ATG5: variants seen among roughly 807,000 people sequenced by gnomAD.
ATG5 encodes autophagy protein 5.
In ATG5, 14 loss-of-function variants were observed where a neutral mutation model predicts 36.5. The observed-to-expected ratio is 0.38, with a 90% CI of 0.25 to 0.60. ATG5 has a LOEUF of 0.60. Ranked by LOEUF, ATG5 falls within the 20% of genes least tolerant of loss-of-function variation. The probability of loss-of-function intolerance (pLI) is 0.60; values close to 1 mark genes in which losing one functional copy is unlikely to be tolerated. For missense variants in ATG5, 195 were observed against 326.7 expected (o/e 0.60, Z 3.11); for synonymous variants, 95 against 101.5 (o/e 0.94, Z 0.38).
intron 7 of ATG5, among the ~76,000 whole-genome samples, chr6:106,201,275 A>ATGTGTG (rs138478446): frequency 0.032 from 4,718 of 149,278 alleles, 139 homozygotes; most frequent in African/African-American, 0.079. Flanking sequence ...TCAAGTGTAT[A>ATGTGTG]TGTGTGTGTG....
At chr6:106,200,867 G>A (rs1036032080) in intron 7 of ATG5, among the ~76,000 whole-genome samples, 1 of 150,174 alleles carries the variant, frequency 6.7e-6, no homozygotes, top group African/African-American at 2.4e-5. Context: ...TGGGATTCAA[G>A]AGCAGCAGGA....
At chr6:106,259,177 T>G (rs1404263945) in intron 5 of ATG5, among the ~76,000 whole-genome samples, 1 of 152,144 alleles carries the variant, frequency 6.6e-6, no homozygotes, top group Non-Finnish European at 1.5e-5. Flanking sequence ...GGCTGAAAAT[T>G]ATATATATTT....
At chr6:106,316,745 T>C (rs1215340357) in intron 1 of ATG5, among the ~76,000 whole-genome samples, 4 of 152,214 alleles carry the variant, frequency 2.6e-5, no homozygotes, top group Non-Finnish European at 2.9e-5. Flanking sequence ...TTAGAAAATA[T>C]CTCTTTCACA....
chr6:106,243,807 G>T (rs549639329), intron 6 of ATG5, among the ~76,000 whole-genome samples: 157 of 151,632 alleles, frequency 1.0e-3, no homozygotes, highest in Non-Finnish European at 1.8e-4. Flanking sequence ...CTCCAGCCTG[G>T]GCGACAGAGC....
intron 5 of ATG5, among the ~76,000 whole-genome samples, chr6:106,267,842 G>A (rs1779284086): frequency 6.6e-6 from 1 of 152,084 alleles, no homozygotes; most frequent in Non-Finnish European, 1.5e-5. Context: ...ATGAACTCAA[G>A]GTGGATAAAA....
chr6:106,243,245 A>C (rs1438041088), intron 6 of ATG5, among the ~76,000 whole-genome samples: 1 of 152,250 alleles, frequency 6.6e-6, no homozygotes, highest in Non-Finnish European at 1.5e-5. Flanking sequence ...ACAACTTTAC[A>C]TTCAATCGTC....
chr6:106,186,513 A>T lies in ATG5; in HGVS notation c.*27T>A, dbSNP rs138207825. 6.2e-7 allele frequency: 1 copy of T among 1,611,178 alleles called. No individual in the cohort carries two copies. The highest frequency in any genetic ancestry group is 8.5e-7 in the Non-Finnish European group (1 of 1,177,702). ...CTCTGATAAATCCCATTTAAGGATGATTCTGTTCAGGCAAATAGTTGATCC... is the reference window on the plus strand; with the variant it reads ...CTCTGATAAATCCCATTTAAGGATGTTTCTGTTCAGGCAAATAGTTGATCC... On this transcript the variant is annotated 3_prime_UTR_variant, in exon 8 of 8. Coordinates refer to ENST00000369076, the MANE Select transcript of ATG5 (RefSeq NM_004849.4).
intron 6 of ATG5, among the ~76,000 whole-genome samples, chr6:106,216,099 C>T (rs779071234): frequency 3.3e-5 from 5 of 152,054 alleles, no homozygotes; most frequent in Non-Finnish European, 5.9e-5. Flanking sequence ...AGAAAATAAG[C>T]GTTGGCAAGG....
At chr6:106,265,766 A>C (rs1014585858) in intron 5 of ATG5, among the ~76,000 whole-genome samples, 7 of 152,224 alleles carry the variant, frequency 4.6e-5, no homozygotes, top group Non-Finnish European at 1.0e-4. Context: ...TAACGAAATT[A>C]AGGCAGAAAT....
intron 6 of ATG5, among the ~76,000 whole-genome samples, chr6:106,229,360 A>G: frequency 6.6e-6 from 1 of 151,868 alleles, no homozygotes; most frequent in Admixed American, 6.6e-5. Context: ...TAAATGGCTA[A>G]GAGAGGAAAC....
At chr6:106,298,610 A>C (rs1371999421) in intron 3 of ATG5, among the ~76,000 whole-genome samples, 1 of 152,190 alleles carries the variant, frequency 6.6e-6, no homozygotes, top group African/African-American at 2.4e-5. Flanking sequence ...AAAAATGAAT[A>C]ATCATCCTGT....
intron 7 of ATG5, among the ~76,000 whole-genome samples, chr6:106,191,988 A>G (rs1157233580): frequency 1.3e-5 from 2 of 152,200 alleles, no homozygotes; most frequent in Non-Finnish European, 2.9e-5. Context: ...TTCCATTTTT[A>G]TGCAGTATGG....
chr6:106,246,086 A>C (rs1778318151), intron 6 of ATG5, among the ~76,000 whole-genome samples: 1 of 152,172 alleles, frequency 6.6e-6, no homozygotes, highest in Non-Finnish European at 1.5e-5. Flanking sequence ...CTCACTTCTA[A>C]AACTTTAATT....
intron 3 of ATG5, among the ~76,000 whole-genome samples, chr6:106,303,191 A>T (rs1770285568): frequency 6.6e-6 from 1 of 152,084 alleles, no homozygotes; most frequent in Non-Finnish European, 1.5e-5. Flanking sequence ...CTTCAAAAAA[A>T]TAAGTAAAAT....
chr6:106,300,005 G>A (rs557955761), intron 3 of ATG5, among the ~76,000 whole-genome samples: 1 of 152,226 alleles, frequency 6.6e-6, no homozygotes, highest in Admixed American at 6.5e-5. Flanking sequence ...CTATATGTAG[G>A]ACAAACACAA....
intron 5 of ATG5, among the ~76,000 whole-genome samples, chr6:106,257,559 T>C (rs1263936509): frequency 1.3e-5 from 2 of 152,234 alleles, no homozygotes; most frequent in African/African-American, 4.8e-5. Flanking sequence ...CAGAGCATGA[T>C]TGTACATTCA....
chr6:106,294,606 T>C (rs1780456841), intron 3 of ATG5, among the ~76,000 whole-genome samples: 2 of 151,116 alleles, frequency 1.3e-5, no homozygotes, highest in South Asian at 4.2e-4. Context: ...TCACTTGACT[T>C]GAAGTCAGGA....
chr6:106,310,596 C>T (rs1219362651), intron 2 of ATG5, among the ~76,000 whole-genome samples: 1 of 151,816 alleles, frequency 6.6e-6, no homozygotes, highest in Non-Finnish European at 1.5e-5. Flanking sequence ...ACCATTTAAA[C>T]CATTTTTAAG....
chr6:106,190,075 T>C (rs777424212), intron 7 of ATG5, among the ~76,000 whole-genome samples: 11 of 152,196 alleles, frequency 7.2e-5, no homozygotes, highest in Non-Finnish European at 1.6e-4. Context: ...TATAAAATAA[T>C]AAAATATTCA....
Sources: gnomAD v4.1 joint callset for allele counts (sites outside exome capture counted in the v4.1 genomes callset) on GRCh38, gnomAD v4.1.1 for gene constraint, MANE v1.5 for transcripts, NCBI Gene and HGNC (gene_info 2026-07-23, HGNC 2026-07-21) for gene names.